The following CENPT variants were observed in gnomAD, a reference collection of about 807,000 sequenced individuals.
CENPT encodes interphase centromere complex protein 22.
A neutral mutation model predicts 59.7 loss-of-function variants in CENPT; 42 were observed. The observed-to-expected ratio is 0.70, with a 90% CI of 0.55 to 0.91. The LOEUF (loss-of-function observed/expected upper bound fraction) is 0.91. CENPT is among the 40% of genes least tolerant of loss of function. The pLI is 0.00. For missense variants in CENPT, 716 were observed against 713.4 expected, an observed-to-expected ratio of 1.00 and a Z score of -0.04; for synonymous variants, 295 against 289.6, an observed-to-expected ratio of 1.02 and a Z score of -0.19.
At position 67,831,365 on chromosome 16, in the gene CENPT, A is replaced by C. The variant is rs2057687146; in HGVS notation, c.561-7T>G. The C allele has an allele frequency of 6.2e-7, 1 of 1,611,892 alleles. No individual in the cohort carries two copies. Among genetic ancestry groups the C allele is most frequent in the East Asian group, 2.2e-5 (1 of 44,788 alleles). ...AAAGGTCAGGTTGAGGGATCTGGTG[A>C]GGTGGGGAGGCACAGAGGAAAGTCA... On this transcript the variant is annotated splice_region_variant and splice_polypyrimidine_tract_variant and intron_variant, in intron 9 of 15. Coordinates refer to ENST00000562787, the MANE Select transcript of CENPT (RefSeq NM_025082.4).
In CENPT at chr16:67,832,455, C is replaced by T. The variant is rs1219821323; in HGVS notation, c.201G>A (p.Arg67=). ...TGGGGTCAGTGGGCTGGGTACTTAC[C>T]CTGGCTCCATGGGAACGCCCTCTGG... ...TIARGRSHGA[R]SVGRSAHIQA... Residue 67 remains arginine (R), a splice_region_variant and synonymous_variant, in exon 5 of 16, where the codon AGG becomes AGA. Coordinates refer to ENST00000562787, the MANE Select transcript of CENPT (RefSeq NM_025082.4). The T allele has an allele frequency of 2.5e-6, 4 of 1,614,058 alleles. No individual in the cohort carries two copies. In the African/African-American group the frequency reaches 5.3e-5, roughly 22 times the overall value.
In CENPT at chr16:67,842,684, G is replaced by A; in HGVS notation, c.-492+4717C>T. The A allele has an allele frequency of 6.3e-7, 1 of 1,584,832 alleles. No individual in the cohort carries two copies. The highest frequency in any genetic ancestry group is 8.6e-7 in the Non-Finnish European group (1 of 1,165,108). On this transcript the variant is annotated intron_variant, in intron 1 of 15. Coordinates refer to ENST00000562787, the MANE Select transcript of CENPT (RefSeq NM_025082.4). The surrounding 1 kb of genome is among the most constrained non-coding windows in gnomAD (Gnocchi z 4.9). ...CTGGCTCAAGAACGTGTCGCGTGCCGGCGTCAGTGGGTGCTTCTCCACCTT... is the reference window on the plus strand; with the variant it reads ...CTGGCTCAAGAACGTGTCGCGTGCCAGCGTCAGTGGGTGCTTCTCCACCTT...
intron 13 of CENPT, chr16:67,829,189 T>C (rs2151283135): frequency 3.9e-6 from 2 of 516,308 alleles, no homozygotes; most frequent in Non-Finnish European, 6.7e-6. Flanking sequence ...CCAGGAAGCC[T>C]TTTCTGACTA....
chr16:67,841,858 T>C (rs545640107), intron 1 of CENPT: 7 of 152,442 alleles, frequency 4.6e-5, no homozygotes, highest in African/African-American at 1.7e-4. Flanking sequence ...GCTGCAGCAA[T>C]GCCGTCGACT....
In CENPT at chr16:67,828,164, T is replaced by C; in HGVS notation, c.*103A>G. The C allele has an allele frequency of 7.8e-7, 1 of 1,287,188 alleles. No homozygotes were observed. The highest frequency in any genetic ancestry group is 1.4e-5 in the South Asian group (1 of 71,502). The allele number at this position is 1,287,188 out of a possible 1,614,324, so 79.7% of individuals were successfully genotyped here. ...GCACCAAAATGCAGAATATTCTGTT[T>C]ATGACACTTTATTGATGCTGGGGGG... On this transcript the variant is annotated 3_prime_UTR_variant, in exon 16 of 16. Coordinates refer to ENST00000562787, the MANE Select transcript of CENPT (RefSeq NM_025082.4).
chr16:67,832,403 C>A (rs1425175032), intron 5 of CENPT, 52 bp downstream of exon 5: 7 of 1,608,830 alleles, frequency 4.4e-6, no homozygotes, highest in Non-Finnish European at 6.0e-6. Flanking sequence ...GACCTCAACC[C>A]CCCTCCCCGA....
intron 1 of CENPT, among the ~76,000 whole-genome samples, chr16:67,846,438 C>T (rs527658461): frequency 2.6e-5 from 4 of 152,384 alleles, no homozygotes; most frequent in South Asian, 2.1e-4. Context: ...ATTGCAGGAG[C>T]TGTGCGTTCC....
In CENPT at chr16:67,842,459, C is replaced by A; in HGVS notation, c.-492+4942G>T. 9.8e-7 allele frequency: 1 copy of A among 1,024,492 alleles called. No homozygotes were observed. The highest frequency in any genetic ancestry group is 1.2e-6 in the Non-Finnish European group (1 of 800,502). 63.5% of individuals were successfully genotyped at this position (1,024,492 alleles called of 1,614,324 possible). A position where few individuals can be genotyped will look rare whatever the true frequency, so the allele number is the denominator to read the frequency against. ...GTGGGATACCACCCAAGGCCTCGCG[C>A]GGCGCCGCCCGTCGAGGGGCGGGCG... On this transcript the variant is annotated intron_variant, in intron 1 of 15. Coordinates refer to ENST00000562787, the MANE Select transcript of CENPT (RefSeq NM_025082.4). The surrounding 1 kb of genome is among the most constrained non-coding windows in gnomAD (Gnocchi z 4.9).
At chr16:67,829,080 C>T in intron 13 of CENPT, 1 of 539,468 alleles carries the variant, frequency 1.9e-6, no homozygotes. Flanking sequence ...GACTTATTAT[C>T]TATATTGGTA....
intron 7 of CENPT, 24 bp from the exon 8 acceptor site, chr16:67,831,914 G>T: frequency 6.2e-7 from 1 of 1,606,978 alleles, no homozygotes; most frequent in Non-Finnish European, 8.5e-7. Flanking sequence ...GCTTATCTCA[G>T]ACAGGCCAGG....
rs955056927 is a variant in CENPT at position 67,842,902 on chromosome 16, ACAGCAGCAGCAGCAG to A, written c.-492+4484_-492+4498del. ...AGCAGCAGCAGCAGCAACAGCAGCAACAGCAGCAGCAGCAGCAACAGCAGCAGCAGCAGCAGCAGC... is the reference window on the plus strand; with the variant it reads ...AGCAGCAGCAGCAGCAACAGCAGCAACAACAGCAGCAGCAGCAGCAGCAGC... On this transcript the variant is annotated intron_variant, in intron 1 of 15. Transcript: ENST00000562787. This position sits in a 1 kb window ranked among gnomAD's most constrained non-coding sequence, Gnocchi z 4.9. 3 of 1,583,140 alleles carry A rather than the reference ACAGCAGCAGCAGCAG, an allele frequency of 1.9e-6. No homozygotes were observed. Among genetic ancestry groups the A allele is most frequent in the Non-Finnish European group, 2.6e-6 (3 of 1,165,824 alleles).
In CENPT at chr16:67,842,704, C is replaced by G. The variant is rs1332051130; in HGVS notation, c.-492+4697G>C. 1 of 1,600,362 alleles carries G rather than the reference C, an allele frequency of 6.2e-7. No individual in the cohort carries two copies. Among genetic ancestry groups the G allele is most frequent in the Non-Finnish European group, 8.5e-7 (1 of 1,173,462 alleles). On this transcript the variant is annotated intron_variant, in intron 1 of 15. Transcript: ENST00000562787. The surrounding 1 kb of genome is among the most constrained non-coding windows in gnomAD (Gnocchi z 4.9). ...GTGCCGGCGTCAGTGGGTGCTTCTC[C>G]ACCTTCCAGCCCACCACAGGCCACC...
intron 1 of CENPT, chr16:67,847,007 C>T (rs1054418534): frequency 6.6e-6 from 1 of 151,832 alleles, no homozygotes; most frequent in Admixed American, 6.6e-5. Context: ...GGCCAGCACG[C>T]CGGGGCGGGG....
intron 1 of CENPT, among the ~76,000 whole-genome samples, chr16:67,845,359 C>T (rs540969374): frequency 4.6e-4 from 70 of 152,294 alleles, no homozygotes; most frequent in Middle Eastern, 3.4e-3. Context: ...TGTTTCCCTT[C>T]TAGTCCCTTA....
chr16:67,831,443 C>G (rs2057687958), intron 9 of CENPT, 85 bp from the exon 10 acceptor site: 5 of 1,572,760 alleles, frequency 3.2e-6, no homozygotes, highest in Non-Finnish European at 4.3e-6. Flanking sequence ...CTGGGGCTCT[C>G]ATCTCTTAGA....
intron 4 of CENPT, among the ~76,000 whole-genome samples, chr16:67,833,055 T>G (rs890040959): frequency 6.6e-6 from 1 of 152,188 alleles, no homozygotes; most frequent in Admixed American, 6.5e-5. Flanking sequence ...CTATAATGAA[T>G]GGCTTCTCAT....
rs2057683060 is a variant in CENPT, at chr16:67,831,090, T to C, written c.703+126A>G. On this transcript the variant is annotated intron_variant, in intron 10 of 15. Transcript: ENST00000562787. ...AAGCAGAAATTCCTTGTAGACCCAC[T>C]GACCAGAGTTGCTCGCTGTCCTTGA... is the stretch of plus-strand genomic sequence containing the variant. The C allele has an allele frequency of 3.2e-6, 4 of 1,251,740 alleles. No individual in the cohort carries two copies. The South Asian group carries it at 5.1e-5, about 16-fold the overall frequency. 77.5% of individuals were successfully genotyped at this position (1,251,740 alleles called of 1,614,324 possible).
chr16:67,839,165 TTG>T (rs2057748232), intron 1 of CENPT, among the ~76,000 whole-genome samples: 1 of 151,380 alleles, frequency 6.6e-6, no homozygotes, highest in South Asian at 2.1e-4. Context: ...GATGGGTGGA[TTG>T]CATGAGGTCA....
At position 67,828,441 on chromosome 16, in the gene CENPT, C is replaced by T. The variant is rs776252866; in HGVS notation, c.1562+33G>A. 62 of 1,613,818 alleles carry T rather than the reference C, an allele frequency of 3.8e-5. No individual in the cohort carries two copies. The Middle Eastern group carries it at 8.2e-4, about 21-fold the overall frequency. ...GGCAGAATCAGCACCAAAACTCCCC[C>T]AGCCAGCACCCCCACACCTTCCGCC... On this transcript the variant is annotated intron_variant, in intron 15 of 15. Coordinates refer to ENST00000562787, the MANE Select transcript of CENPT (RefSeq NM_025082.4).
Sources: gnomAD v4.1 joint callset for allele counts (sites outside exome capture counted in the v4.1 genomes callset) on GRCh38, gnomAD v4.1.1 for gene constraint, Gnocchi (gnomAD v3.1) non-coding constraint, MANE v1.5 for transcripts, NCBI Gene and HGNC (gene_info 2026-07-23, HGNC 2026-07-21) for gene names.